The following GALNT14 variants were observed in gnomAD, a reference collection of about 807,000 sequenced individuals.
GALNT14 encodes UDP-GalNAc:polypeptide N-acetylgalactosaminyltransferase 14.
In GALNT14, 60 loss-of-function variants were observed where a neutral mutation model predicts 77.5. That is an observed-to-expected ratio of 0.77 (90% CI 0.63 to 0.96). The LOEUF (loss-of-function observed/expected upper bound fraction) is 0.96. Among genes scored for constraint, GALNT14 ranks in the 40% least tolerant of loss-of-function variants. The pLI is 0.00. For missense variants in GALNT14, 710 were observed against 731.0 expected, an observed-to-expected ratio of 0.97 and a Z score of 0.33; for synonymous variants, 280 against 281.7, an observed-to-expected ratio of 0.99 and a Z score of 0.06.
chr2:31,064,500 A>T lies in GALNT14; in HGVS notation c.130-71493T>A, dbSNP rs149572066. ...TACCCAGTTCATATCTGGGGACTAA[A>T]TTTAACTAAAGGGACTCCACTGGAG... is the stretch of plus-strand genomic sequence containing the variant. On this transcript the variant is annotated intron_variant, in intron 1 of 14. Transcript: ENST00000349752. Among the ~76,000 whole-genome samples the T allele has an allele frequency of 3.2e-4, 48 of 152,340 alleles. No individual in the cohort carries two copies. The East Asian group carries it at 9.1e-3, about 29-fold the overall frequency.
At chr2:30,983,714 A>G (rs999809350) in intron 2 of GALNT14, among the ~76,000 whole-genome samples, 1 of 144,262 alleles carries the variant, frequency 6.9e-6, no homozygotes, top group African/African-American at 2.5e-5. Context: ...TAATCAAACC[A>G]TCTTAATTAG....
At chr2:30,946,204 G>C (rs78186974) in intron 6 of GALNT14, among the ~76,000 whole-genome samples, 1 of 152,122 alleles carries the variant, frequency 6.6e-6, no homozygotes, top group Non-Finnish European at 1.5e-5. Flanking sequence ...GCTCCAGAAG[G>C]CCTTCACCAC....
chr2:31,005,211 T>G (rs1670596633), intron 1 of GALNT14, among the ~76,000 whole-genome samples: 1 of 152,250 alleles, frequency 6.6e-6, no homozygotes. Flanking sequence ...GATCCTTTGT[T>G]GTTTTCAACC....
intron 1 of GALNT14, among the ~76,000 whole-genome samples, chr2:31,124,173 G>A (rs1379526368): frequency 6.6e-6 from 1 of 152,172 alleles, no homozygotes; most frequent in East Asian, 1.9e-4. Flanking sequence ...ATGCTTGACA[G>A]GCACTCAAAG....
intron 1 of GALNT14, among the ~76,000 whole-genome samples, chr2:31,017,616 CT>C (rs1303144580): frequency 2.6e-5 from 4 of 152,076 alleles, no homozygotes; most frequent in Admixed American, 2.0e-4. Context: ...TCACTACTCC[CT>C]GGGGGCCCAC....
intron 1 of GALNT14, among the ~76,000 whole-genome samples, chr2:31,036,031 AAAGT>A (rs1005803390): frequency 1.3e-5 from 2 of 152,214 alleles, no homozygotes; most frequent in African/African-American, 4.8e-5. Flanking sequence ...AAAACATAAT[AAAGT>A]GTGTGTCTTA....
intron 10 of GALNT14, among the ~76,000 whole-genome samples, chr2:30,930,643 C>T (rs927449419): frequency 2.0e-5 from 3 of 152,210 alleles, no homozygotes; most frequent in African/African-American, 7.2e-5. Flanking sequence ...TGGGGCCTAA[C>T]TGAAAAGGGG....
chr2:31,086,889 C>T (rs1339482192), intron 1 of GALNT14, among the ~76,000 whole-genome samples: 1 of 152,144 alleles, frequency 6.6e-6, no homozygotes, highest in Non-Finnish European at 1.5e-5. Flanking sequence ...CAAAGACTTA[C>T]CAAGCACCTG....
At chr2:31,104,274 ACCT>A in intron 1 of GALNT14, among the ~76,000 whole-genome samples, 1 of 152,184 alleles carries the variant, frequency 6.6e-6, no homozygotes, top group South Asian at 2.1e-4. Context: ...AAATTCTTAC[ACCT>A]CCTCCACACA....
In GALNT14 at chr2:30,993,368, A is replaced by G. The variant is rs370232711; in HGVS notation, c.130-361T>C. On this transcript the variant is annotated intron_variant, in intron 1 of 14. Transcript: ENST00000349752. ...GTACCTTGCCCAAGATCCCACAGTT[A>G]GGAAATGGCAGAACTGGAACTTCAA... 2.0e-4 allele frequency among the ~76,000 whole-genome samples: 30 copies of G among 152,220 alleles called. No homozygotes were observed. The East Asian group carries it at 2.3e-3, about 12-fold the overall frequency.
At chr2:31,001,837 AC>A (rs1670384884) in intron 1 of GALNT14, among the ~76,000 whole-genome samples, 1 of 152,216 alleles carries the variant, frequency 6.6e-6, no homozygotes, top group Non-Finnish European at 1.5e-5. Context: ...CCAAATGTAT[AC>A]AAATAAAAAT....
chr2:30,982,719 T>C (rs911533097), intron 2 of GALNT14, among the ~76,000 whole-genome samples: 1 of 152,226 alleles, frequency 6.6e-6, no homozygotes, highest in Non-Finnish European at 1.5e-5. Context: ...TGTAGGTACT[T>C]GATGCAGGAA....
At chr2:31,029,786 G>A (rs1672297887) in intron 1 of GALNT14, among the ~76,000 whole-genome samples, 1 of 152,200 alleles carries the variant, frequency 6.6e-6, no homozygotes, top group African/African-American at 2.4e-5. Flanking sequence ...ACTGTTTAGA[G>A]AGAAAAGCGG....
At chr2:30,896,973 CTCAG>C in the GALNT14 span, among the ~76,000 whole-genome samples, 5 of 152,286 alleles carry the variant, frequency 3.3e-5, no homozygotes, top group Admixed American at 3.3e-4. Flanking sequence ...CTCCATGCTA[CTCAG>C]TCAATCTTCC....
rs150339679 is a variant in GALNT14, at chr2:31,121,205, T to G, written c.129+16753A>C. Among the ~76,000 whole-genome samples, 1,133 of 152,310 alleles carry G rather than the reference T, an allele frequency of 7.4e-3. 16 individuals are homozygous for G. The highest frequency in any genetic ancestry group is 0.026 in the African/African-American group (1,087 of 41,568). ...TGGCCATGGCCCTGCCAAGGCTTCA[T>G]CTGTAAGGAATCTAGACAGGCAAGA... On this transcript the variant is annotated intron_variant, in intron 1 of 14. Transcript: ENST00000349752.
chr2:30,956,070 G>A, intron 4 of GALNT14, 93 bp from the exon 5 acceptor site: 1 of 1,255,136 alleles, frequency 8.0e-7, no homozygotes, highest in South Asian at 1.2e-5. Flanking sequence ...AAGGGTAGGT[G>A]AGGCAGCCCT....
rs917005007 is a variant in GALNT14, at chr2:30,997,180, G to A, written c.130-4173C>T. On this transcript the variant is annotated intron_variant, in intron 1 of 14. Coordinates refer to ENST00000349752, the MANE Select transcript of GALNT14 (RefSeq NM_024572.4). ...ACACCAAAGACAGAAACAACAAGAA[G>A]CATCTCCTCTACTGAGGGTCGGTAG... Among the ~76,000 whole-genome samples the A allele has an allele frequency of 2.0e-5, 3 of 152,066 alleles. No homozygotes were observed. The East Asian group carries it at 5.8e-4, about 29-fold the overall frequency.
At chr2:31,115,053 C>T (rs1375415943) in intron 1 of GALNT14, among the ~76,000 whole-genome samples, 3 of 151,910 alleles carry the variant, frequency 2.0e-5, no homozygotes, top group Admixed American at 6.6e-5. Context: ...TCAAGACCAG[C>T]CTGGGCAACC....
chr2:30,964,425 T>A (rs562832493), intron 3 of GALNT14, among the ~76,000 whole-genome samples: 14 of 152,200 alleles, frequency 9.2e-5, no homozygotes, highest in Admixed American at 9.2e-4. Flanking sequence ...CCCAGGAGAA[T>A]TGGGCCTCCT....
Sources: gnomAD v4.1 joint callset for allele counts (sites outside exome capture counted in the v4.1 genomes callset) on GRCh38, gnomAD v4.1.1 for gene constraint, MANE v1.5 for transcripts, NCBI Gene and HGNC (gene_info 2026-07-23, HGNC 2026-07-21) for gene names.